ABCC11: variants seen among roughly 807,000 people sequenced by gnomAD.
ABCC11 encodes ATP binding cassette subfamily C member 11, also known as ATP-binding cassette sub-family C member 11.
A neutral mutation model predicts 149.3 loss-of-function variants in ABCC11; 135 were observed. The observed-to-expected ratio is 0.90, with a 90% confidence interval of 0.79 to 1.04. The LOEUF is 1.04. ABCC11 is among the 50% of genes least tolerant of loss of function. The pLI is 0.00. For missense variants in ABCC11, 1,680 were observed against 1,722.1 expected, an observed-to-expected ratio of 0.98 and a Z score of 0.43; for synonymous variants, 665 against 671.4, an observed-to-expected ratio of 0.99 and a Z score of 0.15.
chr16:48,206,199 G>C (rs1968437177), intron 12 of ABCC11, among the ~76,000 whole-genome samples: 1 of 152,084 alleles, frequency 6.6e-6, no homozygotes, highest in Non-Finnish European at 1.5e-5. Context: ...AGCATGCCTG[G>C]GTATTATGGA....
At chr16:48,204,954 CTA>C (rs970878297) in intron 13 of ABCC11, among the ~76,000 whole-genome samples, 1 of 152,196 alleles carries the variant, frequency 6.6e-6, no homozygotes, top group Non-Finnish European at 1.5e-5. Context: ...CTGGTTTCCT[CTA>C]TGTCACAGAA....
At position 48,197,946 on chromosome 16, in the gene ABCC11, C is replaced by G. The variant is rs376840192; in HGVS notation, c.2314+25G>C. ...GGACCCAGGCAGGCATGCAGACATT[C>G]TTGTCCTATCTCCCACACCATTACC... is the stretch of plus-strand genomic sequence containing the variant. On this transcript the variant is annotated intron_variant, in intron 17 of 29. Coordinates refer to ENST00000356608, the MANE Select transcript of ABCC11 (RefSeq NM_001370497.1). 7.6e-5 allele frequency: 122 copies of G among 1,611,756 alleles called. 1 individual carries two copies. The South Asian group carries it at 1.3e-3, about 17-fold the overall frequency.
At chr16:48,195,787 T>C (rs1003629256) in intron 18 of ABCC11, among the ~76,000 whole-genome samples, 2 of 152,302 alleles carry the variant, frequency 1.3e-5, no homozygotes, top group East Asian at 3.9e-4. Context: ...TTCTATTTCA[T>C]GTCTTTCAGT....
chr16:48,220,846 T>G (rs1187055945), intron 6 of ABCC11, among the ~76,000 whole-genome samples: 3 of 152,224 alleles, frequency 2.0e-5, no homozygotes, highest in Non-Finnish European at 4.4e-5. Context: ...ATTCAGGTGT[T>G]GGGCCTTTTG....
intron 1 of ABCC11, among the ~76,000 whole-genome samples, chr16:48,233,569 C>G (rs1296634132): frequency 6.6e-6 from 1 of 152,174 alleles, no homozygotes; most frequent in African/African-American, 2.4e-5. Context: ...CATGAACCAG[C>G]CTAGAATATA....
In ABCC11 at chr16:48,176,957, C is replaced by T. The variant is rs771748765; in HGVS notation, c.3505G>A (p.Glu1169Lys). The T allele has an allele frequency of 3.1e-6, 5 of 1,614,082 alleles. No homozygotes were observed. The highest frequency in any genetic ancestry group is 1.1e-5 in the South Asian group (1 of 91,066). ...HGINLTIRGHEVVGIVGRTGS... is the reference protein window; with the variant it reads ...HGINLTIRGHKVVGIVGRTGS... ...GTCCTTCCCACGATGCCCACCACTT[C>T]GTGGCCGCGGATGGTCAGGTTGATG... Residue 1169 changes from glutamate (E) to lysine (K), a missense_variant, in exon 25 of 30, where the codon GAA becomes AAA. Glu to Lys is a moderately conservative substitution (Grantham distance 56). Coordinates refer to ENST00000356608, the MANE Select transcript of ABCC11 (RefSeq NM_001370497.1).
chr16:48,174,978 G>A (rs1456138085), intron 26 of ABCC11, among the ~76,000 whole-genome samples: 1 of 152,106 alleles, frequency 6.6e-6, no homozygotes, highest in Non-Finnish European at 1.5e-5. Context: ...CTCGGACTAC[G>A]GCTGTGCACC....
intron 4 of ABCC11, among the ~76,000 whole-genome samples, chr16:48,225,944 G>A (rs1318857580): frequency 6.6e-6 from 1 of 152,186 alleles, no homozygotes; most frequent in Admixed American, 6.5e-5. Context: ...ATTAAAAAGA[G>A]AATCAGTGAA....
intron 4 of ABCC11, among the ~76,000 whole-genome samples, chr16:48,226,573 G>T (rs755115395): frequency 7.2e-5 from 11 of 152,024 alleles, no homozygotes; most frequent in Non-Finnish European, 5.9e-5. Flanking sequence ...CACTGCACCC[G>T]GCCAATCCAT....
intron 23 of ABCC11, among the ~76,000 whole-genome samples, chr16:48,179,604 G>A (rs1167853369): frequency 1.3e-5 from 2 of 152,194 alleles, no homozygotes; most frequent in Admixed American, 1.3e-4. Context: ...GCAGATGTAG[G>A]CCTGCCCTCG....
Position 48,227,859 on chromosome 16 carries a change from C to T in ABCC11, c.342G>A (p.Glu114=). 1.9e-6 allele frequency: 3 copies of T among 1,614,026 alleles called. No homozygotes were observed. Among genetic ancestry groups the T allele is most frequent in the Middle Eastern group, 1.7e-4 (1 of 6,060 alleles). ...GGACTGACAGTGGAGGGATGGTGTT[C>T]TCATCTAAGCGACTCCGTAAGCTTT... The part of the protein sequence containing the change: ...MIQSLRSRLD[E]NTIPPLSVHD... Residue 114 remains glutamate (E), a synonymous_variant, in exon 4 of 30, where the codon GAG becomes GAA. Transcript: ENST00000356608.
At chr16:48,165,699 G>A (rs888930167), downstream of ABCC11, 2 of 152,184 alleles carry the variant, frequency 1.3e-5, no homozygotes, top group African/African-American at 4.8e-5. Context: ...TTACCCTCAC[G>A]AGATTCCAAA....
At chr16:48,221,628 C>T (rs9941123) in intron 6 of ABCC11, among the ~76,000 whole-genome samples, 21,892 of 152,196 alleles carry the variant, frequency 0.14, 2,087 homozygotes, top group African/African-American at 0.28. Context: ...GCTTAGGGGA[C>T]GCACTTTCCA....
rs143277072 is a variant in ABCC11, at chr16:48,185,119, T to G, written c.3072-493A>C. On this transcript the variant is annotated intron_variant, in intron 22 of 29. Coordinates refer to ENST00000356608, the MANE Select transcript of ABCC11 (RefSeq NM_001370497.1). ...GTAAAACCGAGACACCCGGGGAACA[T>G]TAGCTGAGTCTCTGGATTAAGCCTC... is the stretch of plus-strand genomic sequence containing the variant. Among the ~76,000 whole-genome samples the G allele has an allele frequency of 5.3e-5, 8 of 152,248 alleles. No individual in the cohort carries two copies. In the East Asian group the frequency reaches 1.2e-3, roughly 22 times the overall value.
chr16:48,193,817 A>G (rs2150791343), intron 19 of ABCC11, 62 bp downstream of exon 19: 2 of 1,396,010 alleles, frequency 1.4e-6, no homozygotes, highest in East Asian at 4.6e-5. Flanking sequence ...TCAAGGAGCA[A>G]GAAGTCACCC....
chr16:48,169,191 C>T (rs1170653070), intron 28 of ABCC11, among the ~76,000 whole-genome samples: 5 of 152,116 alleles, frequency 3.3e-5, no homozygotes, highest in Admixed American at 2.0e-4. Context: ...TAAAAATCAA[C>T]GAGGGTCTAA....
At chr16:48,172,347 G>A (rs1403851713) in intron 26 of ABCC11, among the ~76,000 whole-genome samples, 1 of 152,008 alleles carries the variant, frequency 6.6e-6, no homozygotes, top group Non-Finnish European at 1.5e-5. Context: ...ACACATATGG[G>A]TTGAAGTCTC....
chr16:48,180,512 T>C (rs62058530), intron 23 of ABCC11, among the ~76,000 whole-genome samples: 10,860 of 152,320 alleles, frequency 0.071, 513 homozygotes, highest in Middle Eastern at 0.12. Flanking sequence ...AGTTCCCAGA[T>C]GGTCGAGGCC....
In ABCC11 at chr16:48,167,651, T is replaced by C; in HGVS notation, c.3901A>G (p.Ile1301Val). ...TCAATGGAGGCTGTGGCTTCATCGA[T>C]AAGGATGATCTGATGAATACAAAAC... is the stretch of plus-strand genomic sequence containing the variant. ...AVLRNSKIIL[I>V]DEATASIDME... The change falls in exon 29 of 30, where the codon ATC (isoleucine) becomes GTC (valine). Residue 1301 changes from isoleucine to valine, a missense_variant. Transcript: ENST00000356608. The C allele has an allele frequency of 6.2e-7, 1 of 1,614,076 alleles. No homozygotes were observed. The highest frequency in any genetic ancestry group is 8.5e-7 in the Non-Finnish European group (1 of 1,180,004).
Sources: allele counts gnomAD v4.1 joint callset (sites outside exome capture counted in the v4.1 genomes callset), GRCh38; gene constraint gnomAD v4.1.1; transcripts MANE v1.5; gene names NCBI Gene and HGNC (gene_info 2026-07-23, HGNC 2026-07-21).